SPIRE1: variants seen among roughly 807,000 people sequenced by gnomAD.
The protein encoded by SPIRE1 is protein spire homolog 1.
Under a neutral mutation model 94.1 loss-of-function variants are expected in SPIRE1, and 40 were observed. That is an observed-to-expected ratio of 0.43 (90% CI 0.33 to 0.55). The LOEUF (loss-of-function observed/expected upper bound fraction) is 0.55, where lower values mean the gene tolerates loss of function less well. Ranked by LOEUF, SPIRE1 falls within the 20% of genes least tolerant of loss-of-function variation. The pLI is 0.06. For synonymous variants in SPIRE1, 376 were observed against 371.7 expected (o/e 1.01, Z -0.13); for missense variants, 838 against 975.2 (o/e 0.86, Z 1.87).
chr18:12,565,090 G>C (rs190214215), intron 2 of SPIRE1, among the ~76,000 whole-genome samples: 1 of 152,076 alleles, frequency 6.6e-6, no homozygotes. Context: ...AAAGAACATC[G>C]AGCATGATAA....
At chr18:12,615,346 ATAT>A (rs1287502603) in intron 2 of SPIRE1, among the ~76,000 whole-genome samples, 1 of 20,442 alleles carries the variant, frequency 4.9e-5, no homozygotes, top group Non-Finnish European at 1.3e-4. Flanking sequence ...AAAAAAAAAA[ATAT>A]ATATATATAT....
chr18:12,532,381 G>A (rs1006040724), intron 4 of SPIRE1, among the ~76,000 whole-genome samples: 7 of 152,194 alleles, frequency 4.6e-5, no homozygotes, highest in Non-Finnish European at 8.8e-5. Flanking sequence ...TATAATTAAA[G>A]TACTTTTGGA....
chr18:12,485,278 T>C (rs2032995716), intron 9 of SPIRE1, among the ~76,000 whole-genome samples: 1 of 152,112 alleles, frequency 6.6e-6, no homozygotes, highest in Non-Finnish European at 1.5e-5. Flanking sequence ...CTAATTTTTT[T>C]GTATTTTTAG....
chr18:12,618,033 T>A (rs902276533), intron 2 of SPIRE1, among the ~76,000 whole-genome samples: 2 of 152,202 alleles, frequency 1.3e-5, no homozygotes, highest in African/African-American at 4.8e-5. Flanking sequence ...TTCATTTTCC[T>A]AAGAGCTCCT....
intron 9 of SPIRE1, among the ~76,000 whole-genome samples, chr18:12,480,669 G>A (rs1449420134): frequency 2.0e-5 from 3 of 151,984 alleles, no homozygotes; most frequent in Non-Finnish European, 2.9e-5. Context: ...AGATGGATTC[G>A]GCAAGTGGCA....
At chr18:12,536,694 G>A (rs2034854329) in intron 3 of SPIRE1, among the ~76,000 whole-genome samples, 1 of 152,136 alleles carries the variant, frequency 6.6e-6, no homozygotes, top group African/African-American at 2.4e-5. Flanking sequence ...GGTAAAAGGT[G>A]CAACTTAGTA....
At chr18:12,529,067 G>A (rs2034606620) in intron 4 of SPIRE1, among the ~76,000 whole-genome samples, 2 of 152,064 alleles carry the variant, frequency 1.3e-5, no homozygotes, top group Non-Finnish European at 1.5e-5. Context: ...ATAGGGCAAC[G>A]CGATTAAAAT....
intron 2 of SPIRE1, among the ~76,000 whole-genome samples, chr18:12,618,952 T>G (rs1340407537): frequency 6.6e-6 from 1 of 151,988 alleles, no homozygotes; most frequent in Non-Finnish European, 1.5e-5. Flanking sequence ...TGGTGCGATC[T>G]CGGCTCACCA....
intron 4 of SPIRE1, among the ~76,000 whole-genome samples, chr18:12,532,634 C>T (rs941954041): frequency 7.2e-5 from 11 of 151,794 alleles, no homozygotes; most frequent in South Asian, 2.1e-4. Flanking sequence ...TGGGATCTTC[C>T]GAAAAAAGTC....
intron 10 of SPIRE1, among the ~76,000 whole-genome samples, chr18:12,479,188 T>G (rs571094345): frequency 6.7e-6 from 1 of 149,636 alleles, no homozygotes; most frequent in Non-Finnish European, 1.5e-5. Flanking sequence ...TTTTTTTTTT[T>G]TTTTGAGACA....
At chr18:12,467,261 G>C (rs1186408176) in intron 10 of SPIRE1, among the ~76,000 whole-genome samples, 2 of 152,028 alleles carry the variant, frequency 1.3e-5, no homozygotes, top group African/African-American at 2.4e-5. Context: ...CTGGGCGACA[G>C]AGCAAGACTC....
At chr18:12,465,542 GT>G (rs2032059537) in intron 10 of SPIRE1, among the ~76,000 whole-genome samples, 1 of 152,264 alleles carries the variant, frequency 6.6e-6, no homozygotes, top group Admixed American at 6.5e-5. Flanking sequence ...ATGAAATGAG[GT>G]AATGCATTCA....
At chr18:12,626,867 A>AATATATATATATATATATAT (rs1555634098) in intron 2 of SPIRE1, among the ~76,000 whole-genome samples, 26 of 110,434 alleles carry the variant, frequency 2.4e-4, no homozygotes, top group South Asian at 3.5e-4. Context: ...TAAGCTGTAA[A>AATATATATATATATATATAT]ATATATATAT....
chr18:12,556,975 A>C (rs112144118), intron 2 of SPIRE1, among the ~76,000 whole-genome samples: 1,813 of 152,136 alleles, frequency 0.012, 39 homozygotes, highest in African/African-American at 0.042. Context: ...TTTTACAGAG[A>C]GCTGATTGGT....
chr18:12,490,442 C>T (rs945163711), intron 8 of SPIRE1, among the ~76,000 whole-genome samples: 3 of 152,146 alleles, frequency 2.0e-5, no homozygotes, highest in East Asian at 3.8e-4. Context: ...TTTCAAAACA[C>T]TGAAGATGAG....
At position 12,463,312 on chromosome 18, in the gene SPIRE1, C is replaced by T. The variant is rs1030683641; in HGVS notation, c.1638+39G>A. The T allele has an allele frequency of 7.7e-6, 12 of 1,548,760 alleles. No individual in the cohort carries two copies. The African/African-American group carries it at 1.5e-4, about 19-fold the overall frequency. The stretch of plus-strand genomic sequence containing the variant: ...AAGCTAATGATTCTATGTCTTCTAG[C>T]TGGTCCCTAAGTTACTACAAAGTCT... On this transcript the variant is annotated intron_variant, in intron 12 of 16. Transcript: ENST00000409402.
At chr18:12,649,384 G>A (rs1300719780) in intron 1 of SPIRE1, among the ~76,000 whole-genome samples, 1 of 152,162 alleles carries the variant, frequency 6.6e-6, no homozygotes, top group Admixed American at 6.6e-5. Flanking sequence ...ACTCCAGCCT[G>A]AGCAAGAGAG....
chr18:12,490,896 T>C (rs7237432), intron 8 of SPIRE1, among the ~76,000 whole-genome samples: 25,896 of 152,048 alleles, frequency 0.17, 2,460 homozygotes, highest in African/African-American at 0.25. Context: ...TGACCACTTC[T>C]ATATTCAACA....
chr18:12,614,796 C>A (rs35449211), intron 2 of SPIRE1, among the ~76,000 whole-genome samples: 52,497 of 151,890 alleles, frequency 0.35, 10,621 homozygotes, highest in East Asian at 0.59. Context: ...CCAGCCTGGG[C>A]AGCAAGAGCA....
Sources: gnomAD v4.1 joint callset for allele counts (sites outside exome capture counted in the v4.1 genomes callset) on GRCh38, gnomAD v4.1.1 for gene constraint, MANE v1.5 for transcripts, NCBI Gene and HGNC (gene_info 2026-07-23, HGNC 2026-07-21) for gene names.